AMPD3: variants seen among roughly 807,000 people sequenced by gnomAD.
AMPD3 encodes the protein adenosine monophosphate deaminase 3.
Under a neutral mutation model 82.3 loss-of-function variants are expected in AMPD3, and 57 were observed. The observed-to-expected ratio is 0.69, with a 90% CI of 0.56 to 0.86. The LOEUF (loss-of-function observed/expected upper bound fraction) is 0.86, where lower values mean the gene tolerates loss of function less well. Among genes scored for constraint, AMPD3 ranks in the 40% least tolerant of loss-of-function variants. The pLI is 0.00. For missense variants in AMPD3, 870 were observed against 1,003.8 expected, an observed-to-expected ratio of 0.87 and a Z score of 1.80; for synonymous variants, 381 against 394.7, an observed-to-expected ratio of 0.97 and a Z score of 0.41.
chr11:10,497,160 G>C (rs1048584945), intron 10 of AMPD3, among the ~76,000 whole-genome samples: 1 of 152,122 alleles, frequency 6.6e-6, no homozygotes, highest in African/African-American at 2.4e-5. Flanking sequence ...GGGGATGGGG[G>C]TGGTGGTCTT....
upstream of AMPD3, among the ~76,000 whole-genome samples, chr11:10,453,133 A>G (rs191352004): frequency 1.9e-4 from 29 of 152,276 alleles, no homozygotes; most frequent in East Asian, 5.4e-3. Context: ...TGTTTTTAGT[A>G]GAGATGGGGT....
rs753551414 is a variant in AMPD3 at position 10,484,901 on chromosome 11, T to G, written c.671T>G (p.Met224Arg). Residue 224 changes from methionine to arginine, a missense_variant, in exon 5 of 15, where the codon ATG (methionine) becomes AGG (arginine). Physicochemically the swap from Met to Arg is moderately conservative, Grantham distance 91. Transcript: ENST00000396553. ...APPNLDYLVH[M>R]QGGILFVYDN... is the part of the protein sequence containing the mutation. Reference sequence around the variant, plus strand: ...CCCAACCTGGATTACTTGGTCCACATGCAGGGGGGCATCCTCTTTGTGTAT... The same window carrying G: ...CCCAACCTGGATTACTTGGTCCACAGGCAGGGGGGCATCCTCTTTGTGTAT... 1.2e-6 allele frequency: 2 copies of G among 1,614,054 alleles called. No individual in the cohort carries two copies. The highest frequency in any genetic ancestry group is 1.7e-6 in the Non-Finnish European group (2 of 1,179,996).
chr11:10,495,460 C>A, intron 8 of AMPD3, 110 bp from the exon 9 acceptor site: 1 of 1,591,800 alleles, frequency 6.3e-7, no homozygotes, highest in South Asian at 1.1e-5. Context: ...TGCTTCCAGC[C>A]TGGGAGCAAG....
At chr11:10,475,542 A>G (rs1848714183) in intron 2 of AMPD3, among the ~76,000 whole-genome samples, 1 of 152,106 alleles carries the variant, frequency 6.6e-6, no homozygotes, top group South Asian at 2.1e-4. Flanking sequence ...AATTTCTAAA[A>G]CGGCCCCTGC....
chr11:10,471,257 C>A (rs978625576), intron 2 of AMPD3, among the ~76,000 whole-genome samples: 2 of 151,690 alleles, frequency 1.3e-5, no homozygotes, highest in Non-Finnish European at 2.9e-5. Context: ...ACTGGCTAGC[C>A]ATATGCAAAA....
intron 13 of AMPD3, chr11:10,503,933 G>A (rs761564220): frequency 1.0e-5 from 10 of 985,212 alleles, no homozygotes; most frequent in African/African-American, 7.0e-5. Context: ...AGGCTACAGC[G>A]GCAGTGGGGT....
chr11:10,461,894 T>C (rs1376140326), intron 2 of AMPD3, among the ~76,000 whole-genome samples, 154 bp downstream of exon 2: 1 of 152,166 alleles, frequency 6.6e-6, no homozygotes, highest in African/African-American at 2.4e-5. Context: ...TCACCTCTTA[T>C]TTATTGAGGG....
At chr11:10,467,112 C>G (rs1848443856) in intron 2 of AMPD3, among the ~76,000 whole-genome samples, 1 of 152,180 alleles carries the variant, frequency 6.6e-6, no homozygotes, top group African/African-American at 2.4e-5. Context: ...CTCTTCTCCT[C>G]CAAATGATCA....
At chr11:10,500,299 GCACGCATGCA>G (rs779135985) in intron 11 of AMPD3, 50 bp downstream of exon 11, 26 of 1,574,766 alleles carry the variant, frequency 1.7e-5, no homozygotes, top group Admixed American at 1.0e-4. Flanking sequence ...GTTAGTACAT[GCACGCATGCA>G]CACACATGCA....
chr11:10,504,516 C>T, intron 13 of AMPD3, 33 bp from the exon 14 acceptor site: 1 of 1,589,214 alleles, frequency 6.3e-7, no homozygotes, highest in South Asian at 1.1e-5. Context: ...GATATCCCCC[C>T]TTCTAATCCA....
In AMPD3 at chr11:10,507,373, C is replaced by A. The variant is rs1849736870; in HGVS notation, c.*1489C>A. On this transcript the variant is annotated 3_prime_UTR_variant, in exon 15 of 15. Transcript: ENST00000396553. ...CAGCATATGGAAGTATAAATGCAGT[C>A]TTTTTACTAGGCAGATATATATGCT... 6.6e-6 allele frequency: 1 copy of A among 151,800 alleles called. No homozygotes were observed. Among genetic ancestry groups the A allele is most frequent in the African/African-American group, 2.4e-5 (1 of 41,086 alleles). 9.4% of individuals were successfully genotyped at this position (151,800 alleles called of 1,614,324 possible). A position where few individuals can be genotyped will look rare whatever the true frequency, so the allele number is the denominator to read the frequency against.
intron 9 of AMPD3, among the ~76,000 whole-genome samples, 183 bp downstream of exon 9, chr11:10,495,916 C>CTTT (rs35114038): frequency 3.0e-5 from 4 of 133,176 alleles, no homozygotes; most frequent in Admixed American, 7.6e-5. Context: ...CACTAGAGCT[C>CTTT]TTTTTTTTTT....
At position 10,456,305 on chromosome 11, in the gene AMPD3, G is replaced by A. The variant is rs574471720; in HGVS notation, c.-6+857G>A. On this transcript the variant is annotated intron_variant, in intron 1 of 14. Coordinates refer to ENST00000396553, the MANE Select transcript of AMPD3 (RefSeq NM_001025389.2). This position sits in a 1 kb window ranked among gnomAD's most constrained non-coding sequence, Gnocchi z 4.3. ...ACAGGACCCAGCCAGCTGCACGCACGCACTGACTCAGCTGAGCCTCCTGGG... is the reference window on the plus strand; with the variant it reads ...ACAGGACCCAGCCAGCTGCACGCACACACTGACTCAGCTGAGCCTCCTGGG... 1.1e-5 allele frequency: 17 copies of A among 1,603,458 alleles called. No homozygotes were observed. Among genetic ancestry groups the A allele is most frequent in the East Asian group, 4.5e-5 (2 of 44,610 alleles).
At chr11:10,496,787 C>G (rs754490239) in intron 9 of AMPD3, 25 bp from the exon 10 acceptor site, 1 of 1,614,140 alleles carries the variant, frequency 6.2e-7, no homozygotes. Flanking sequence ...ATCCACCTGA[C>G]AAGCGAGTCT....
chr11:10,472,888 C>T (rs1848635317), intron 2 of AMPD3, among the ~76,000 whole-genome samples: 1 of 152,016 alleles, frequency 6.6e-6, no homozygotes, highest in Non-Finnish European at 1.5e-5. Flanking sequence ...TCTGTAATCC[C>T]AGCAACTCCG....
intron 1 of AMPD3, among the ~76,000 whole-genome samples, chr11:10,458,691 T>C (rs999377610): frequency 6.6e-6 from 1 of 152,266 alleles, no homozygotes; most frequent in Non-Finnish European, 1.5e-5. Context: ...TTAACATCTT[T>C]TTCAAGTGAG....
intron 2 of AMPD3, among the ~76,000 whole-genome samples, chr11:10,467,168 T>C (rs1343032979): frequency 3.3e-5 from 5 of 152,166 alleles, no homozygotes; most frequent in Non-Finnish European, 7.3e-5. Context: ...AGAATGAGTT[T>C]GACCAATTGA....
intron 2 of AMPD3, chr11:10,477,791 G>A (rs1465802984): frequency 1.5e-5 from 12 of 807,958 alleles, no homozygotes; most frequent in East Asian, 2.5e-4. Context: ...GCCATGGGCC[G>A]TGTGACTTTG....
At chr11:10,467,834 CA>C (rs1451752426) in intron 2 of AMPD3, among the ~76,000 whole-genome samples, 1 of 152,244 alleles carries the variant, frequency 6.6e-6, no homozygotes, top group Non-Finnish European at 1.5e-5. Context: ...AGAAACCCTA[CA>C]AGCCAGAAGA....
Sources: gnomAD v4.1 joint callset for allele counts (sites outside exome capture counted in the v4.1 genomes callset) on GRCh38, gnomAD v4.1.1 for gene constraint, Gnocchi (gnomAD v3.1) non-coding constraint, MANE v1.5 for transcripts, NCBI Gene and HGNC (gene_info 2026-07-23, HGNC 2026-07-21) for gene names.